Variants in RANBP17 observed in about 807,000 individuals in gnomAD.
RANBP17 encodes the protein RAN binding protein 17.
In RANBP17, 158 loss-of-function variants were observed where a neutral mutation model predicts 141.2. The observed-to-expected ratio is 1.12, with a 90% CI of 0.98 to 1.28. The LOEUF (loss-of-function observed/expected upper bound fraction) is 1.28, where lower values mean the gene tolerates loss of function less well. RANBP17 is among the 50% of genes most tolerant of loss of function. The probability of loss-of-function intolerance (pLI) is 0.00; values close to 1 mark genes in which losing one functional copy is unlikely to be tolerated. For synonymous variants in RANBP17, 430 were observed against 450.0 expected, an observed-to-expected ratio of 0.96 and a Z score of 0.56; for missense variants, 1,438 against 1,290.7, an observed-to-expected ratio of 1.11 and a Z score of -1.75.
chr5:170,991,062 A>G (rs1778478726), intron 14 of RANBP17, among the ~76,000 whole-genome samples: 1 of 151,980 alleles, frequency 6.6e-6, no homozygotes, highest in Non-Finnish European at 1.5e-5. Context: ...GGATAGTTAT[A>G]TCAACAATAA....
intron 7 of RANBP17, 112 bp downstream of exon 7, chr5:170,911,246 A>G (rs530438848): frequency 4.4e-4 from 399 of 914,070 alleles, no homozygotes; most frequent in Non-Finnish European, 6.1e-4. Context: ...AATAGCTCAA[A>G]TGGATTTGTA....
intron 5 of RANBP17, chr5:170,897,295 T>G: frequency 1.6e-6 from 1 of 625,318 alleles, no homozygotes; most frequent in South Asian, 1.4e-5. Context: ...AGTGTTTCTT[T>G]ATAATACATT....
At chr5:171,137,056 T>C (rs976624757) in intron 14 of RANBP17, among the ~76,000 whole-genome samples, 2 of 152,202 alleles carry the variant, frequency 1.3e-5, no homozygotes, top group South Asian at 2.1e-4. Flanking sequence ...ATTTATAAAG[T>C]TCTATTTTTG....
intron 10 of RANBP17, 97 bp downstream of exon 10, chr5:170,918,956 T>C: frequency 1.5e-6 from 1 of 674,494 alleles, no homozygotes; most frequent in Non-Finnish European, 2.2e-6. Flanking sequence ...TCTATTAATT[T>C]GATTACTTTG....
At chr5:171,184,379 GCACAGAGGACAAA>G (rs1374522966) in intron 18 of RANBP17, among the ~76,000 whole-genome samples, 1 of 152,128 alleles carries the variant, frequency 6.6e-6, no homozygotes, top group Non-Finnish European at 1.5e-5. Flanking sequence ...AATAAGCCAG[GCACAGAGGACAAA>G]TACTATATGA....
chr5:171,076,962 G>C (rs1187073435), intron 14 of RANBP17, among the ~76,000 whole-genome samples: 1 of 152,154 alleles, frequency 6.6e-6, no homozygotes, highest in African/African-American at 2.4e-5. Flanking sequence ...ATGAGAATTA[G>C]AGTATTACCA....
intron 18 of RANBP17, among the ~76,000 whole-genome samples, chr5:171,191,411 G>A (rs559953658): frequency 1.1e-4 from 17 of 152,200 alleles, no homozygotes; most frequent in East Asian, 5.8e-4. Flanking sequence ...TTCAGAGGCC[G>A]GGCGCAGTGG....
chr5:171,268,456 T>C (rs55672345), intron 25 of RANBP17, among the ~76,000 whole-genome samples: 2,926 of 152,272 alleles, frequency 0.019, 52 homozygotes, highest in Non-Finnish European at 0.025. Context: ...ACACCATTGG[T>C]ATTCAAGGTG....
Position 171,265,563 on chromosome 5 carries a change from C to T in RANBP17, c.2777-118C>T. 3 of 947,294 alleles carry T rather than the reference C, an allele frequency of 3.2e-6. 1 individual carries two copies. Among genetic ancestry groups the T allele is most frequent in the Non-Finnish European group, 4.8e-6 (3 of 629,370 alleles). 58.7% of individuals were successfully genotyped at this position (947,294 alleles called of 1,614,324 possible). A position where few individuals can be genotyped will look rare whatever the true frequency, so the allele number is the denominator to read the frequency against. ...CAAATTCCTGCCCTCAAAGAACTTG[C>T]AATTTGATAAAAGCACTTTGAAACC... On this transcript the variant is annotated intron_variant, in intron 24 of 27. Transcript: ENST00000523189.
chr5:170,960,684 C>A (rs1304724617), intron 13 of RANBP17, among the ~76,000 whole-genome samples: 1 of 152,154 alleles, frequency 6.6e-6, no homozygotes, highest in Non-Finnish European at 1.5e-5. Context: ...CCTTTTGCAG[C>A]CAGAGTAATC....
chr5:170,864,440 C>G (rs990833936), intron 1 of RANBP17, among the ~76,000 whole-genome samples: 1 of 152,162 alleles, frequency 6.6e-6, no homozygotes, highest in Non-Finnish European at 1.5e-5. Context: ...AAGCTCTGCT[C>G]CTAATGCTTG....
At chr5:171,039,075 T>C (rs567294857) in intron 14 of RANBP17, among the ~76,000 whole-genome samples, 4 of 152,170 alleles carry the variant, frequency 2.6e-5, no homozygotes, top group Admixed American at 1.3e-4. Context: ...TGATTTCTTT[T>C]CTTTTGGTTA....
intron 16 of RANBP17, among the ~76,000 whole-genome samples, chr5:171,182,648 T>A (rs372744638): frequency 5.9e-5 from 9 of 152,228 alleles, no homozygotes; most frequent in African/African-American, 2.2e-4. Flanking sequence ...GAAATATTAG[T>A]TCCTTTAAGC....
intron 12 of RANBP17, among the ~76,000 whole-genome samples, chr5:170,934,340 A>G (rs1333868182): frequency 6.6e-6 from 1 of 152,130 alleles, no homozygotes; most frequent in East Asian, 1.9e-4. Context: ...TGAATACAGC[A>G]CACTGATGGG....
chr5:170,865,183 C>T (rs1767140642), intron 1 of RANBP17, among the ~76,000 whole-genome samples: 1 of 152,108 alleles, frequency 6.6e-6, no homozygotes, highest in African/African-American at 2.4e-5. Flanking sequence ...TTGCCTCAGC[C>T]TCCTGGGTAG....
chr5:171,068,632 G>T (rs1232070978), intron 14 of RANBP17, among the ~76,000 whole-genome samples: 14 of 152,008 alleles, frequency 9.2e-5, no homozygotes, highest in Admixed American at 7.2e-4. Context: ...TGTTGCCCAG[G>T]TTGGAGTGCA....
intron 10 of RANBP17, among the ~76,000 whole-genome samples, chr5:170,919,212 T>C (rs1772228486): frequency 6.6e-6 from 1 of 151,930 alleles, no homozygotes. Flanking sequence ...CATGGAATGA[T>C]TAGAGGGAAG....
intron 25 of RANBP17, among the ~76,000 whole-genome samples, chr5:171,282,669 G>A (rs1458214601): frequency 2.0e-5 from 3 of 151,876 alleles, no homozygotes; most frequent in Admixed American, 6.6e-5. Flanking sequence ...TAGTAGAGAC[G>A]GGGTTTCACG....
At chr5:171,212,053 T>C (rs555147399) in intron 20 of RANBP17, among the ~76,000 whole-genome samples, 14 of 152,338 alleles carry the variant, frequency 9.2e-5, no homozygotes, top group African/African-American at 3.4e-4. Flanking sequence ...AGTACTATGA[T>C]TGTGCTAGCA....
Sources: allele counts gnomAD v4.1 joint callset (sites outside exome capture counted in the v4.1 genomes callset), GRCh38; gene constraint gnomAD v4.1.1; transcripts MANE v1.5; gene names NCBI Gene and HGNC (gene_info 2026-07-23, HGNC 2026-07-21).